The following SLIT2 variants were observed in gnomAD, a reference collection of about 807,000 sequenced individuals.
The protein encoded by SLIT2 is slit homolog 2 protein.
Under a neutral mutation model 185.7 loss-of-function variants are expected in SLIT2, and 41 were observed. The ratio of observed to expected loss-of-function variants is 0.22; its 90% CI spans 0.17 to 0.29. The LOEUF is 0.29. Ranked by LOEUF, SLIT2 falls within the 10% of genes least tolerant of loss-of-function variation. The pLI is 1.00. For missense variants in SLIT2, 1,571 were observed against 1,909.0 expected, an observed-to-expected ratio of 0.82 and a Z score of 3.30; for synonymous variants, 693 against 680.2, an observed-to-expected ratio of 1.02 and a Z score of -0.29.
chr4:20,560,607 A>G (rs1045778892), intron 26 of SLIT2, among the ~76,000 whole-genome samples: 23 of 152,092 alleles, frequency 1.5e-4, no homozygotes, highest in African/African-American at 3.9e-4. Context: ...TGAGAAAGTC[A>G]GTGTGGAAAG....
chr4:20,371,025 G>T (rs1225122160), intron 4 of SLIT2, among the ~76,000 whole-genome samples: 2 of 151,988 alleles, frequency 1.3e-5, no homozygotes, highest in South Asian at 4.1e-4. Context: ...GTTAATAAAG[G>T]TCATCTTCAT....
At position 20,486,140 on chromosome 4, in the gene SLIT2, T is replaced by C. The variant is rs1170126919; in HGVS notation, c.540-60T>C. ...ACAAGACGTTTTCTCTATGTTAATA[T>C]ATAAAATGATCAATCAATTTTGTAT... On this transcript the variant is annotated intron_variant, in intron 6 of 36. Transcript: ENST00000504154. 5 of 1,024,922 alleles carry C rather than the reference T, an allele frequency of 4.9e-6. No individual in the cohort carries two copies. In the East Asian group the frequency reaches 7.3e-5, roughly 15 times the overall value. 63.5% of individuals were successfully genotyped at this position (1,024,922 alleles called of 1,614,324 possible).
At chr4:20,365,468 C>A (rs985927882) in intron 4 of SLIT2, among the ~76,000 whole-genome samples, 1 of 152,108 alleles carries the variant, frequency 6.6e-6, no homozygotes, top group Middle Eastern at 3.2e-3. Flanking sequence ...ATGTTCCAGG[C>A]AAGCAAAAAA....
intron 4 of SLIT2, among the ~76,000 whole-genome samples, chr4:20,297,666 C>G (rs1716616996): frequency 6.9e-6 from 1 of 144,926 alleles, no homozygotes; most frequent in Admixed American, 7.2e-5. Flanking sequence ...AATATGTATT[C>G]TTATTGCTAA....
chr4:20,555,762 AT>A (rs1052330544), intron 26 of SLIT2, among the ~76,000 whole-genome samples: 1 of 151,918 alleles, frequency 6.6e-6, no homozygotes, highest in South Asian at 2.1e-4. Context: ...CTCATCTGAG[AT>A]TTTTTTTAAA....
At position 20,484,927 on chromosome 4, in the gene SLIT2, T is replaced by C. The variant is rs527443491; in HGVS notation, c.540-1273T>C. Among the ~76,000 whole-genome samples, 49 of 152,240 alleles carry C rather than the reference T, an allele frequency of 3.2e-4. No individual in the cohort carries two copies. The highest frequency in any genetic ancestry group is 1.1e-3 in the African/African-American group (47 of 41,556). ...CTTCCATCTCTCTTGCCCATCATTGTATATTTTTGCACGTGGCCTGCTTCG... is the reference window on the plus strand; with the variant it reads ...CTTCCATCTCTCTTGCCCATCATTGCATATTTTTGCACGTGGCCTGCTTCG... On this transcript the variant is annotated intron_variant, in intron 6 of 36. Coordinates refer to ENST00000504154, the MANE Select transcript of SLIT2 (RefSeq NM_004787.4). The surrounding 1 kb of genome is among the most constrained non-coding windows in gnomAD (Gnocchi z 4.3).
chr4:20,608,678 AC>A (rs1431757412), intron 33 of SLIT2, among the ~76,000 whole-genome samples: 6 of 152,242 alleles, frequency 3.9e-5, no homozygotes, highest in African/African-American at 1.4e-4. Flanking sequence ...AATCAAAAAA[AC>A]GTTTTATTAC....
At chr4:20,510,707 G>T in intron 10 of SLIT2, 141 bp downstream of exon 10, 1 of 572,394 alleles carries the variant, frequency 1.7e-6, no homozygotes, top group Non-Finnish European at 3.1e-6. Context: ...TACTAGCTCT[G>T]TAATAATATT....
Position 20,343,882 on chromosome 4 carries a change from C to T in SLIT2, c.395+75001C>T, listed in dbSNP as rs142541726. Reference sequence around the variant, plus strand: ...GTATTATTTTTTTGAGATGGAGTCTCGCTCTGTTGTCAGGCTGGAGTGCAG... The same window carrying T: ...GTATTATTTTTTTGAGATGGAGTCTTGCTCTGTTGTCAGGCTGGAGTGCAG... On this transcript the variant is annotated intron_variant, in intron 4 of 36. Transcript: ENST00000504154. Among the ~76,000 whole-genome samples the T allele has an allele frequency of 7.7e-3, 1,171 of 151,348 alleles. 25 individuals carry two copies. The highest frequency in any genetic ancestry group is 0.026 in the African/African-American group (1,086 of 41,204).
intron 4 of SLIT2, among the ~76,000 whole-genome samples, chr4:20,443,200 T>A (rs1222845921): frequency 6.6e-6 from 1 of 152,128 alleles, no homozygotes; most frequent in African/African-American, 2.4e-5. Context: ...AAAGATGAAG[T>A]GTGGGGTATG....
intron 29 of SLIT2, among the ~76,000 whole-genome samples, chr4:20,579,564 A>G (rs1054397606): frequency 1.3e-5 from 2 of 152,094 alleles, no homozygotes; most frequent in African/African-American, 2.4e-5. Flanking sequence ...TAAATTTTCC[A>G]TATAGGAACT....
chr4:20,264,814 T>C (rs1384373136), intron 3 of SLIT2, among the ~76,000 whole-genome samples: 1 of 151,948 alleles, frequency 6.6e-6, no homozygotes, highest in Non-Finnish European at 1.5e-5. Context: ...CTCAGAGACA[T>C]ACATTACACA....
intron 33 of SLIT2, among the ~76,000 whole-genome samples, chr4:20,601,187 T>A (rs7660834): frequency 0.36 from 54,512 of 152,028 alleles, 10,349 homozygotes; most frequent in East Asian, 0.76. Context: ...AAAATAAAAT[T>A]GAAATAATAG....
intron 3 of SLIT2, among the ~76,000 whole-genome samples, chr4:20,259,691 T>C (rs1400625408): frequency 6.6e-6 from 1 of 151,830 alleles, no homozygotes; most frequent in Non-Finnish European, 1.5e-5. Context: ...GGTACTATTT[T>C]TTGACTTTTA....
At chr4:20,283,674 T>C (rs1715006352) in intron 4 of SLIT2, among the ~76,000 whole-genome samples, 1 of 152,168 alleles carries the variant, frequency 6.6e-6, no homozygotes, top group Admixed American at 6.5e-5. Flanking sequence ...TTATTGTTAA[T>C]ATTGAGAGAA....
intron 4 of SLIT2, among the ~76,000 whole-genome samples, chr4:20,393,908 G>A (rs1725661841): frequency 6.6e-6 from 1 of 152,040 alleles, no homozygotes; most frequent in African/African-American, 2.4e-5. Flanking sequence ...GAGACTGAGG[G>A]CAGCATCTTT....
intron 3 of SLIT2, among the ~76,000 whole-genome samples, chr4:20,258,460 T>C (rs1712092857): frequency 1.3e-5 from 2 of 151,820 alleles, no homozygotes; most frequent in South Asian, 2.1e-4. Context: ...AGTTTTATTT[T>C]ATTTGGCCCT....
At chr4:20,461,164 C>T (rs569361807) in intron 4 of SLIT2, among the ~76,000 whole-genome samples, 3 of 152,222 alleles carry the variant, frequency 2.0e-5, no homozygotes, top group African/African-American at 7.2e-5. Flanking sequence ...AACTCTCCAT[C>T]TCACGGTGAT....
chr4:20,607,924 T>C (rs1381439556), intron 33 of SLIT2, among the ~76,000 whole-genome samples: 2 of 152,190 alleles, frequency 1.3e-5, no homozygotes, highest in East Asian at 3.8e-4. Flanking sequence ...TTTATTTTAA[T>C]GTTTTACTTT....
Sources: gnomAD v4.1 joint callset for allele counts (sites outside exome capture counted in the v4.1 genomes callset) on GRCh38, gnomAD v4.1.1 for gene constraint, Gnocchi (gnomAD v3.1) non-coding constraint, MANE v1.5 for transcripts, NCBI Gene and HGNC (gene_info 2026-07-23, HGNC 2026-07-21) for gene names.